Variants in VWC2 observed in about 807,000 individuals in gnomAD.
VWC2 encodes von Willebrand factor C domain containing 2.
VWC2 carries 14 observed loss-of-function variants against 29.8 expected under a neutral mutation model. The ratio of observed to expected loss-of-function variants is 0.47; its 90% confidence interval spans 0.31 to 0.74. The LOEUF is 0.74. VWC2 is among the 30% of genes least tolerant of loss of function. The pLI is 0.05. For missense variants in VWC2, 457 were observed against 459.8 expected (o/e 0.99, Z 0.05); for synonymous variants, 213 against 199.0 (o/e 1.07, Z -0.59).
At chr7:49,877,846 C>A (rs1791508713) in intron 3 of VWC2, among the ~76,000 whole-genome samples, 1 of 151,912 alleles carries the variant, frequency 6.6e-6, no homozygotes, top group South Asian at 2.1e-4. Flanking sequence ...ATTTCCCCAC[C>A]ACACTGTTAA....
chr7:49,777,948 A>G (rs1583618331), intron 2 of VWC2, among the ~76,000 whole-genome samples: 1 of 151,904 alleles, frequency 6.6e-6, no homozygotes, highest in East Asian at 1.9e-4. Flanking sequence ...TTGGTTTTTA[A>G]TTAATTCCTT....
intron 2 of VWC2, among the ~76,000 whole-genome samples, chr7:49,782,016 A>G (rs1342170483): frequency 1.3e-5 from 2 of 152,204 alleles, no homozygotes; most frequent in Non-Finnish European, 2.9e-5. Context: ...GCCCAAGAGG[A>G]AGATCTGGTT....
chr7:49,789,334 CGTGTGAGTGT>C, intron 2 of VWC2, among the ~76,000 whole-genome samples: 1 of 119,714 alleles, frequency 8.4e-6, no homozygotes, highest in Admixed American at 8.0e-5. Flanking sequence ...TGTGTGGGTG[CGTGTGAGTGT>C]ATATGTGGCT....
intron 3 of VWC2, among the ~76,000 whole-genome samples, chr7:49,852,573 T>A (rs190495748): frequency 3.3e-5 from 5 of 152,094 alleles, no homozygotes; most frequent in Admixed American, 6.5e-5. Flanking sequence ...ATTTAGTGGT[T>A]TTTCCTGTTT....
At chr7:49,867,075 G>C (rs1790923558) in intron 3 of VWC2, among the ~76,000 whole-genome samples, 1 of 152,204 alleles carries the variant, frequency 6.6e-6, no homozygotes, top group South Asian at 2.1e-4. Flanking sequence ...GATGGCTCAA[G>C]AAATGTAAAT....
chr7:49,802,990 C>A, intron 3 of VWC2, 150 bp downstream of exon 3: 1 of 1,006,324 alleles, frequency 9.9e-7, no homozygotes, highest in Non-Finnish European at 1.4e-6. Context: ...AATCTTTCAG[C>A]CACAGTGGTT....
chr7:49,877,591 T>C (rs1791492872), intron 3 of VWC2, among the ~76,000 whole-genome samples: 1 of 142,014 alleles, frequency 7.0e-6, no homozygotes, highest in Non-Finnish European at 1.5e-5. Flanking sequence ...ATGACTGAAG[T>C]CCAGACTCAT....
At chr7:49,839,955 C>G (rs1789755855) in intron 3 of VWC2, among the ~76,000 whole-genome samples, 1 of 152,180 alleles carries the variant, frequency 6.6e-6, no homozygotes, top group Non-Finnish European at 1.5e-5. Context: ...TCATGTTTTC[C>G]TAAAGTCAAA....
chr7:49,838,593 C>A (rs1226445670), intron 3 of VWC2, among the ~76,000 whole-genome samples: 3 of 151,896 alleles, frequency 2.0e-5, no homozygotes, highest in African/African-American at 4.8e-5. Flanking sequence ...TGCAGAGCAT[C>A]CTACAGCGCT....
intron 3 of VWC2, among the ~76,000 whole-genome samples, chr7:49,845,721 T>G (rs1789926320): frequency 6.6e-6 from 1 of 152,144 alleles, no homozygotes; most frequent in Non-Finnish European, 1.5e-5. Context: ...GTAACAAAAT[T>G]AAACCCAAGA....
chr7:49,849,441 A>G (rs1790087308), intron 3 of VWC2, among the ~76,000 whole-genome samples: 1 of 152,182 alleles, frequency 6.6e-6, no homozygotes, highest in Admixed American at 6.5e-5. Context: ...CTGGGAGCAG[A>G]CTGTCAGGAA....
At chr7:49,815,182 G>T (rs979433354) in intron 3 of VWC2, among the ~76,000 whole-genome samples, 3 of 152,200 alleles carry the variant, frequency 2.0e-5, no homozygotes, top group Non-Finnish European at 2.9e-5. Context: ...AATGGTGCCT[G>T]CCTTTAATGA....
At chr7:49,881,906 C>T (rs1338321095) in intron 3 of VWC2, among the ~76,000 whole-genome samples, 1 of 151,914 alleles carries the variant, frequency 6.6e-6, no homozygotes, top group Admixed American at 6.6e-5. Context: ...TAGGTATACT[C>T]AATTTCCAAT....
At chr7:49,842,380 AATTTT>A (rs919648105) in intron 3 of VWC2, among the ~76,000 whole-genome samples, 1 of 152,202 alleles carries the variant, frequency 6.6e-6, no homozygotes, top group African/African-American at 2.4e-5. Flanking sequence ...ATGACATTTT[AATTTT>A]ATTTTATTTT....
rs555490815 is a variant in VWC2 at position 49,904,798 on chromosome 7, C to T, written c.827-7236C>T. ...TCGCCCAGGTTGGAGTGCAGTGGCG[C>T]GATCTCGGCTCACTGCAACCTCCTC... On this transcript the variant is annotated intron_variant, in intron 3 of 3. Transcript: ENST00000340652. Among the ~76,000 whole-genome samples the T allele has an allele frequency of 7.2e-4, 107 of 148,468 alleles. 1 individual carries two copies. In the East Asian group the frequency reaches 0.013, roughly 19 times the overall value.
In VWC2 at chr7:49,918,852, G is replaced by A. The variant is rs1793860790; in HGVS notation, c.*6667G>A. ...TGGGAGGCTGAGGCAGGTGGATCAG[G>A]AGTTTGAGGCCAACCTGACCAACAT... On this transcript the variant is annotated 3_prime_UTR_variant, in exon 4 of 4. Coordinates refer to ENST00000340652, the MANE Select transcript of VWC2 (RefSeq NM_198570.5). 1 of 152,070 alleles carries A rather than the reference G, an allele frequency of 6.6e-6. No individual in the cohort carries two copies. Among genetic ancestry groups the A allele is most frequent in the Non-Finnish European group, 1.5e-5 (1 of 68,042 alleles). The allele number at this position is 152,070 out of a possible 1,614,324, so 9.4% of individuals were successfully genotyped here.
chr7:49,849,676 G>C (rs1159553105), intron 3 of VWC2, among the ~76,000 whole-genome samples: 1 of 152,206 alleles, frequency 6.6e-6, no homozygotes, highest in Non-Finnish European at 1.5e-5. Flanking sequence ...TTCACCATTT[G>C]GTAGTGCCCT....
intron 3 of VWC2, among the ~76,000 whole-genome samples, chr7:49,892,028 T>C (rs1454654179): frequency 7.5e-6 from 1 of 133,058 alleles, no homozygotes; most frequent in African/African-American, 2.8e-5. Context: ...ACAGACAAAG[T>C]AGATTTTTTT....
At chr7:49,880,746 G>A (rs959529023) in intron 3 of VWC2, among the ~76,000 whole-genome samples, 6 of 151,978 alleles carry the variant, frequency 3.9e-5, no homozygotes, top group African/African-American at 9.7e-5. Flanking sequence ...ACGAGTTAAC[G>A]GATGCAGCAC....
Sources: allele counts gnomAD v4.1 joint callset (sites outside exome capture counted in the v4.1 genomes callset), GRCh38; gene constraint gnomAD v4.1.1; transcripts MANE v1.5; gene names NCBI Gene and HGNC (gene_info 2026-07-23, HGNC 2026-07-21).